Variants in CORO7 observed in about 807,000 individuals in gnomAD.
CORO7 encodes the protein coronin 7.
In CORO7, 107 loss-of-function variants were observed where a neutral mutation model predicts 126.6. The observed-to-expected ratio is 0.85, with a 90% CI of 0.72 to 0.99. The LOEUF is 0.99. CORO7 is among the 50% of genes least tolerant of loss of function. The pLI is 0.00. For missense variants in CORO7, 1,314 were observed against 1,255.8 expected (o/e 1.05, Z -0.70); for synonymous variants, 603 against 536.8 (o/e 1.12, Z -1.70).
chr16:4,374,290 G>A (rs935861788), intron 9 of CORO7, among the ~76,000 whole-genome samples: 5 of 152,208 alleles, frequency 3.3e-5, no homozygotes, highest in South Asian at 2.1e-4. Flanking sequence ...CAGCCGGATC[G>A]CTTTCCCTCC....
At position 4,365,004 on chromosome 16, in the gene CORO7, T is replaced by C; in HGVS notation, c.897A>G (p.Pro299=). 6.2e-7 allele frequency: 1 copy of C among 1,606,256 alleles called. No homozygotes were observed. Among genetic ancestry groups the C allele is most frequent in the Non-Finnish European group, 8.5e-7 (1 of 1,176,866 alleles). ...TGGGGGCGAGGAAGCAAGGCTTACC[T>C]GGGCTCAGCGCCGGCTGCTGCGGGA... ...EVVPQQPALS[P]VTQCVLESVL... Residue 299 remains proline (P), a splice_region_variant and synonymous_variant, in exon 11 of 28, where the codon CCA becomes CCG. Transcript: ENST00000251166.
At chr16:4,413,662 T>C (rs1244047576) in intron 1 of CORO7, among the ~76,000 whole-genome samples, 1 of 151,948 alleles carries the variant, frequency 6.6e-6, no homozygotes, top group East Asian at 1.9e-4. Context: ...CTCAGCCTCC[T>C]GAGTAGCTGG....
rs916323020 is a variant in CORO7, at chr16:4,365,694, C to T, written c.786-149G>A. 3.8e-5 allele frequency: 41 copies of T among 1,071,430 alleles called. 1 individual carries two copies. The South Asian group carries it at 5.4e-4, about 14-fold the overall frequency. The allele number at this position is 1,071,430 out of a possible 1,614,324, so 66.4% of individuals were successfully genotyped here. A position where few individuals can be genotyped will look rare whatever the true frequency, so the allele number is the denominator to read the frequency against. ...TCAGCCTGGTCCCCAGGAACCCCCT[C>T]CTCTTCCTGAGCTTCCCACATGCCC... On this transcript the variant is annotated intron_variant, in intron 9 of 27. Coordinates refer to ENST00000251166, the MANE Select transcript of CORO7 (RefSeq NM_024535.5).
intron 25 of CORO7, chr16:4,357,706 A>G (rs1304144281): frequency 2.8e-5 from 15 of 530,140 alleles, no homozygotes; most frequent in Admixed American, 3.6e-5. Flanking sequence ...TTAACAGTCA[A>G]TGGAGCCTCA....
At chr16:4,372,918 C>T (rs1445337350) in intron 9 of CORO7, among the ~76,000 whole-genome samples, 1 of 152,140 alleles carries the variant, frequency 6.6e-6, no homozygotes, top group Non-Finnish European at 1.5e-5. Context: ...AGAGAGGCAG[C>T]GGGACCTAGA....
At chr16:4,405,669 G>T in intron 5 of CORO7, 102 bp from the exon 6 acceptor site, 5 of 1,418,800 alleles carry the variant, frequency 3.5e-6, no homozygotes, top group Non-Finnish European at 4.8e-6. Flanking sequence ...AAAGGCAGCA[G>T]CTACGAGGGT....
chr16:4,357,822 T>A, intron 25 of CORO7, 146 bp downstream of exon 25: 1 of 1,411,726 alleles, frequency 7.1e-7, no homozygotes, highest in Non-Finnish European at 9.4e-7. Context: ...CTCCACTGGC[T>A]CAGAGACTGA....
intron 9 of CORO7, among the ~76,000 whole-genome samples, chr16:4,383,793 C>T (rs549249672): frequency 6.6e-6 from 1 of 152,340 alleles, no homozygotes; most frequent in Admixed American, 6.5e-5. Flanking sequence ...GGGCTCTGGC[C>T]CATGTGCGGC....
At position 4,362,508 on chromosome 16, in the gene CORO7, T is replaced by C; in HGVS notation, c.1402+104A>G. ...GTGAGTCTGGGTGAGGGGGGTGCCC[T>C]GCATGAGGCCTGTGCTCAGCAGTAG... is the stretch of plus-strand genomic sequence containing the variant. On this transcript the variant is annotated intron_variant, in intron 15 of 27. Transcript: ENST00000251166. This position sits in a 1 kb window ranked among gnomAD's most constrained non-coding sequence, Gnocchi z 5.3. 1 of 1,444,656 alleles carries C rather than the reference T, an allele frequency of 6.9e-7. No homozygotes were observed. 89.5% of individuals were successfully genotyped at this position (1,444,656 alleles called of 1,614,324 possible).
At chr16:4,412,500 C>T in intron 2 of CORO7, 70 bp from the exon 3 acceptor site, 1 of 1,554,574 alleles carries the variant, frequency 6.4e-7, no homozygotes, top group Non-Finnish European at 8.9e-7. Context: ...CCAGGGATCC[C>T]AGAGATGAAA....
At chr16:4,399,870 T>C (rs886712720) in intron 6 of CORO7, among the ~76,000 whole-genome samples, 9 of 152,136 alleles carry the variant, frequency 5.9e-5, no homozygotes, top group Non-Finnish European at 1.2e-4. Context: ...AATTTTATGA[T>C]ATGTGTTTTC....
At chr16:4,367,905 A>G (rs953997918) in intron 9 of CORO7, among the ~76,000 whole-genome samples, 1 of 152,136 alleles carries the variant, frequency 6.6e-6, no homozygotes, top group Non-Finnish European at 1.5e-5. Context: ...TTCAAGCAAA[A>G]GAGGCTAGGC....
chr16:4,412,908 T>C (rs2056266746), intron 2 of CORO7: 2 of 229,050 alleles, frequency 8.7e-6, no homozygotes, highest in South Asian at 1.9e-4. Context: ...AGCTTGAGGG[T>C]CTGAGTTACC....
chr16:4,411,230 A>T (rs527620428), intron 3 of CORO7, among the ~76,000 whole-genome samples: 1 of 152,154 alleles, frequency 6.6e-6, no homozygotes, highest in Non-Finnish European at 1.5e-5. Context: ...TTTTACAAAA[A>T]ATTTTTAAAA....
In CORO7 at chr16:4,359,382, C is replaced by T. The variant is rs1348664494; in HGVS notation, c.2254G>A (p.Asp752Asn). ...AGCTCGTACAGGAATACACGGGTGT[C>T]GCCCTGCGGGGAAGAAGGCAGGCTG... ...TGLVLLTGKG[D>N]TRVFLYELLP... is the part of the protein sequence containing the mutation. Residue 752 changes from aspartate to asparagine, a missense_variant, in exon 23 of 28, where the codon GAC becomes AAC. By Grantham distance (23) the Asp-to-Asn change is conservative. Transcript: ENST00000251166. The T allele has an allele frequency of 7.4e-6, 12 of 1,613,590 alleles. No homozygotes were observed. Among genetic ancestry groups the T allele is most frequent in the Admixed American group, 3.3e-5 (2 of 59,996 alleles).
rs2056248743 is a variant in CORO7, at chr16:4,412,495, G to T, written c.158-65C>A. Reference sequence around the variant, plus strand: ...AGGGCCACCCACCTCCTTGCCCAGGGATCCCAGAGATGAAATCCAGCAGCT... The same window carrying T: ...AGGGCCACCCACCTCCTTGCCCAGGTATCCCAGAGATGAAATCCAGCAGCT... On this transcript the variant is annotated intron_variant, in intron 2 of 27. Coordinates refer to ENST00000251166, the MANE Select transcript of CORO7 (RefSeq NM_024535.5). 15 of 1,561,124 alleles carry T rather than the reference G, an allele frequency of 9.6e-6. No individual in the cohort carries two copies. The South Asian group carries it at 1.3e-4, about 14-fold the overall frequency.
intron 9 of CORO7, among the ~76,000 whole-genome samples, chr16:4,375,352 C>G (rs1042770252): frequency 6.6e-6 from 1 of 152,236 alleles, no homozygotes; most frequent in African/African-American, 2.4e-5. Context: ...GAGCCTCCTC[C>G]CTGCACAGGA....
At chr16:4,374,380 G>T (rs1189075172) in intron 9 of CORO7, among the ~76,000 whole-genome samples, 1 of 152,076 alleles carries the variant, frequency 6.6e-6, no homozygotes, top group African/African-American at 2.4e-5. Context: ...GCTCCCTCAG[G>T]CCACCTCGGT....
At chr16:4,368,616 C>T (rs1024235461) in intron 9 of CORO7, among the ~76,000 whole-genome samples, 4 of 149,474 alleles carry the variant, frequency 2.7e-5, no homozygotes, top group Admixed American at 1.3e-4. Flanking sequence ...AGCATGGTGG[C>T]GTGCACCTGG....
Sources: gnomAD v4.1 joint callset for allele counts (sites outside exome capture counted in the v4.1 genomes callset) on GRCh38, gnomAD v4.1.1 for gene constraint, Gnocchi (gnomAD v3.1) non-coding constraint, MANE v1.5 for transcripts, NCBI Gene and HGNC (gene_info 2026-07-23, HGNC 2026-07-21) for gene names.